Variants in CSRP1 observed in about 807,000 individuals in gnomAD.
The protein encoded by CSRP1 is cysteine and glycine rich protein 1.
A neutral mutation model predicts 25.4 loss-of-function variants in CSRP1; 16 were observed. That is an observed-to-expected ratio of 0.63 (90% CI 0.43 to 0.96). CSRP1 has a LOEUF of 0.96. CSRP1 is among the 40% of genes least tolerant of loss of function. The pLI, the probability that CSRP1 is intolerant of heterozygous loss-of-function variation, is 0.00. For missense variants in CSRP1, 212 were observed against 243.6 expected, an observed-to-expected ratio of 0.87 and a Z score of 0.86; for synonymous variants, 97 against 95.3, an observed-to-expected ratio of 1.02 and a Z score of -0.10.
At chr1:201,505,267 T>C (rs1664790037) in intron 1 of CSRP1, among the ~76,000 whole-genome samples, 1 of 152,190 alleles carries the variant, frequency 6.6e-6, no homozygotes, top group Admixed American at 6.5e-5. Flanking sequence ...ATTCATCAAA[T>C]GTTTGCTGAT....
intron 1 of CSRP1, among the ~76,000 whole-genome samples, chr1:201,502,359 A>G (rs1664696175): frequency 1.3e-5 from 2 of 152,228 alleles, no homozygotes; most frequent in African/African-American, 4.8e-5. Flanking sequence ...TCCAATCTGC[A>G]GCTCGGCTTT....
chr1:201,492,315 G>A (rs1664362263), intron 2 of CSRP1: 2 of 152,298 alleles, frequency 1.3e-5, no homozygotes, highest in African/African-American at 4.8e-5. Context: ...CCCCTGCCGA[G>A]GACCTCCCTG....
intron 2 of CSRP1, 132 bp downstream of exon 2, chr1:201,496,060 C>T (rs1256683701): frequency 1.5e-5 from 10 of 686,134 alleles, no homozygotes; most frequent in African/African-American, 3.5e-5. Flanking sequence ...TGCCCAGCTG[C>T]GCTTCAGCCA....
rs558086595 is a variant in CSRP1, at chr1:201,496,192, T to G, written c.112A>C (p.Met38Leu). The change falls in exon 2 of 6, where the codon ATG (methionine) becomes CTG (leucine). Residue 38 changes from methionine to leucine, a missense_variant and splice_region_variant. Transcript: ENST00000340006. ...NSFHKSCFLC[M>L]VCKKNLDSTT... ...GCAATAGGGCCTGGGGCGTACTCAC[T>G]GCACAGGAAGCAGGATTTATGGAAG... 4 of 1,613,528 alleles carry G rather than the reference T, an allele frequency of 2.5e-6. No homozygotes were observed. In the African/African-American group the frequency reaches 4.0e-5, roughly 16 times the overall value.
chr1:201,497,726 T>C (rs1320737057), intron 1 of CSRP1, among the ~76,000 whole-genome samples: 3 of 151,954 alleles, frequency 2.0e-5, no homozygotes, highest in African/African-American at 7.3e-5. Flanking sequence ...TAAATAAGGA[T>C]AAAAGCTGGG....
chr1:201,484,883 C>A, intron 5 of CSRP1, 94 bp from the exon 6 acceptor site: 1 of 1,082,434 alleles, frequency 9.2e-7, no homozygotes, highest in Non-Finnish European at 1.4e-6. Context: ...TCCTAGTGCC[C>A]AGCCAGACTG....
rs774940272 is a variant in CSRP1 at position 201,503,550 on chromosome 1, AC to A, written c.-2+3519del. 4.8e-4 allele frequency among the ~76,000 whole-genome samples: 73 copies of A among 152,054 alleles called. 1 individual carries two copies. Among genetic ancestry groups the A allele is most frequent in the Non-Finnish European group, 6.2e-4 (42 of 68,004 alleles). Reference sequence around the variant, plus strand: ...ACCTTCCATTTCTTCCCCTGTTGTCACCGCTGAAGACTCAGACGCTGCCTTC... The same window carrying A: ...ACCTTCCATTTCTTCCCCTGTTGTCACGCTGAAGACTCAGACGCTGCCTTC... On this transcript the variant is annotated intron_variant, in intron 1 of 5. Transcript: ENST00000340006.
At position 201,496,423 on chromosome 1, in the gene CSRP1, T is replaced by TG. The variant is rs531966865; in HGVS notation, c.-1-120dup. On this transcript the variant is annotated intron_variant, in intron 1 of 5. Transcript: ENST00000340006. ...GAGAGAAAGACAAAAGTAGAATGCCTGGGGGGCCACCAGGCCTGGCAGAGC... is the reference window on the plus strand; with the variant it reads ...GAGAGAAAGACAAAAGTAGAATGCCTGGGGGGGCCACCAGGCCTGGCAGAGC... 7.5e-5 allele frequency: 63 copies of TG among 842,982 alleles called. No individual in the cohort carries two copies. In the Admixed American group the frequency reaches 1.1e-3, roughly 14 times the overall value. The allele number at this position is 842,982 out of a possible 1,614,324, so 52.2% of individuals were successfully genotyped here.
intron 1 of CSRP1, among the ~76,000 whole-genome samples, chr1:201,498,717 G>A (rs1664582809): frequency 6.6e-6 from 1 of 152,242 alleles, no homozygotes; most frequent in Non-Finnish European, 1.5e-5. Flanking sequence ...TAGGTGGCCA[G>A]GAAATAGCTG....
At chr1:201,485,167 G>A (rs1349491886) in intron 5 of CSRP1, 116 bp downstream of exon 5, 2 of 890,888 alleles carry the variant, frequency 2.2e-6, no homozygotes, top group Admixed American at 1.8e-5. Flanking sequence ...CATACTAGAT[G>A]TTCAGATCTT....
intron 1 of CSRP1, among the ~76,000 whole-genome samples, chr1:201,497,006 T>C (rs935389236): frequency 7.9e-5 from 12 of 152,240 alleles, no homozygotes; most frequent in African/African-American, 2.7e-4. Flanking sequence ...CACTTTTGTA[T>C]ATAAGCTATA....
At chr1:201,489,571 T>C (rs1332177308) in intron 3 of CSRP1, 2 of 157,106 alleles carry the variant, frequency 1.3e-5, no homozygotes, top group African/African-American at 4.8e-5. Context: ...GTGAGGCTGG[T>C]GTGGCAACGG....
chr1:201,483,555 C>CTGTTT lies in CSRP1; in HGVS notation c.*1157_*1158insAAACA, dbSNP rs1218821304. 1.2e-5 allele frequency: 2 copies of CTGTTT among 163,934 alleles called. No homozygotes were observed. Among genetic ancestry groups the CTGTTT allele is most frequent in the African/African-American group, 4.8e-5 (2 of 41,976 alleles). 10.2% of individuals were successfully genotyped at this position (163,934 alleles called of 1,614,324 possible). A position where few individuals can be genotyped will look rare whatever the true frequency, so the allele number is the denominator to read the frequency against. ...TTCTGGTCTAAACAGCTTTATTGAC[C>CTGTTT]AGATGAGAAATCAGCTTGGGTACAG... On this transcript the variant is annotated 3_prime_UTR_variant, in exon 6 of 6. Coordinates refer to ENST00000340006, the MANE Select transcript of CSRP1 (RefSeq NM_004078.3).
intron 1 of CSRP1, among the ~76,000 whole-genome samples, chr1:201,505,636 C>T (rs906716322): frequency 5.3e-5 from 8 of 152,338 alleles, no homozygotes; most frequent in East Asian, 3.9e-4. Context: ...GCCTCCGCCC[C>T]GGATATCCTC....
At chr1:201,500,504 G>C (rs1664637411) in intron 1 of CSRP1, among the ~76,000 whole-genome samples, 1 of 152,288 alleles carries the variant, frequency 6.6e-6, no homozygotes, top group Admixed American at 6.5e-5. Context: ...CTGCTCTTTT[G>C]AGCCTGGTCA....
chr1:201,504,742 C>A (rs1269150010), intron 1 of CSRP1, among the ~76,000 whole-genome samples: 1 of 150,132 alleles, frequency 6.7e-6, no homozygotes, highest in African/African-American at 2.5e-5. Context: ...GGGAGGGGAT[C>A]ACTTGAGGCC....
chr1:201,485,678 C>T lies in CSRP1; in HGVS notation c.412-302G>A, dbSNP rs1002324086. The T allele has an allele frequency of 1.0e-5, 4 of 386,460 alleles. No individual in the cohort carries two copies. The Admixed American group carries it at 1.6e-4, about 15-fold the overall frequency. The allele number at this position is 386,460 out of a possible 1,614,324, so 23.9% of individuals were successfully genotyped here. On this transcript the variant is annotated intron_variant, in intron 4 of 5. Transcript: ENST00000340006. ...GTTTAACACCAAAGTAGCTGTTACC[C>T]CACTGGCTGGGCCAGATGAGCCTTC...
chr1:201,499,743 G>C (rs1664611046), intron 1 of CSRP1, among the ~76,000 whole-genome samples: 1 of 152,164 alleles, frequency 6.6e-6, no homozygotes, highest in Non-Finnish European at 1.5e-5. Flanking sequence ...AGCCTCCTGA[G>C]TAGCTGGGAT....
intron 1 of CSRP1, among the ~76,000 whole-genome samples, chr1:201,497,709 T>C (rs1571784662): frequency 6.6e-6 from 1 of 152,200 alleles, no homozygotes; most frequent in East Asian, 1.9e-4. Context: ...TTGATTTCTG[T>C]ATCTGTTAAA....
Sources: allele counts gnomAD v4.1 joint callset (sites outside exome capture counted in the v4.1 genomes callset), GRCh38; gene constraint gnomAD v4.1.1; transcripts MANE v1.5; gene names NCBI Gene and HGNC (gene_info 2026-07-23, HGNC 2026-07-21).